The following ZNF571 variants were observed in gnomAD, a reference collection of about 807,000 sequenced individuals.
ZNF571 encodes zinc finger protein 571.
A neutral mutation model predicts 7.7 loss-of-function variants in ZNF571; 4 were observed. That is an observed-to-expected ratio of 0.52 (90% CI 0.25 to 1.18). The LOEUF is 1.18. Ranked by LOEUF, ZNF571 falls within the 50% of genes most tolerant of loss-of-function variation. ZNF571 has a pLI of 0.14. For missense variants in ZNF571, 704 were observed against 726.9 expected (o/e 0.97, Z 0.36); for synonymous variants, 251 against 232.4 (o/e 1.08, Z -0.73).
intron 1 of ZNF571, among the ~76,000 whole-genome samples, chr19:37,589,611 GT>G (rs1456488334): frequency 2.0e-5 from 3 of 152,070 alleles, no homozygotes; most frequent in African/African-American, 7.2e-5. Context: ...ACTGGACTAA[GT>G]TCCTTGAAGA....
In ZNF571 at chr19:37,568,409, G is replaced by A. The variant is rs565415417; in HGVS notation, c.137-2118C>T. ...CTAGAACAAGATAGACCCTGCTTTT[G>A]TTTCTTTCATAGAAGAACAATATGG... On this transcript the variant is annotated intron_variant, in intron 3 of 3. Coordinates refer to ENST00000451802, the MANE Select transcript of ZNF571 (RefSeq NM_016536.5). Among the ~76,000 whole-genome samples, 3 of 151,040 alleles carry A rather than the reference G, an allele frequency of 2.0e-5. No individual in the cohort carries two copies. The South Asian group carries it at 6.3e-4, about 32-fold the overall frequency.
Position 37,564,502 on chromosome 19 carries a change from A to G in ZNF571, c.*96T>C. The stretch of plus-strand genomic sequence containing the variant: ...CCATGTTAATGTAGGCCTTCTAAGA[A>G]TGAGCAGATTCTGAGCAGAAGCAAG... On this transcript the variant is annotated 3_prime_UTR_variant, in exon 4 of 4. Coordinates refer to ENST00000451802, the MANE Select transcript of ZNF571 (RefSeq NM_016536.5). The G allele has an allele frequency of 8.4e-7, 1 of 1,192,262 alleles. No homozygotes were observed. Among genetic ancestry groups the G allele is most frequent in the Non-Finnish European group, 1.1e-6 (1 of 894,950 alleles). The allele number at this position is 1,192,262 out of a possible 1,614,324, so 73.9% of individuals were successfully genotyped here. A position where few individuals can be genotyped will look rare whatever the true frequency, so the allele number is the denominator to read the frequency against.
chr19:37,587,513 C>T (rs1404651111), intron 1 of ZNF571, among the ~76,000 whole-genome samples: 1 of 152,234 alleles, frequency 6.6e-6, no homozygotes, highest in Non-Finnish European at 1.5e-5. Flanking sequence ...ACAGCACGCC[C>T]CCTCTTGCAA....
At chr19:37,589,242 A>C (rs191579035) in intron 1 of ZNF571, among the ~76,000 whole-genome samples, 17 of 152,054 alleles carry the variant, frequency 1.1e-4, no homozygotes, top group African/African-American at 4.1e-4. Flanking sequence ...GCTAGAAGGA[A>C]AAACAGACTG....
intron 1 of ZNF571, among the ~76,000 whole-genome samples, chr19:37,591,071 G>A (rs1251959479): frequency 6.6e-6 from 1 of 152,148 alleles, no homozygotes; most frequent in Non-Finnish European, 1.5e-5. Flanking sequence ...ATAAATTCAT[G>A]ATTCATGATT....
At chr19:37,584,533 A>G (rs2043592883) in intron 2 of ZNF571, among the ~76,000 whole-genome samples, 1 of 152,250 alleles carries the variant, frequency 6.6e-6, no homozygotes, top group Non-Finnish European at 1.5e-5. Flanking sequence ...TCTCTAGGTT[A>G]GAAAATAAAA....
At position 37,566,258 on chromosome 19, in the gene ZNF571, G is replaced by C. The variant is rs1378231846; in HGVS notation, c.170C>G (p.Ser57Cys). 4.3e-6 allele frequency: 7 copies of C among 1,612,732 alleles called. No individual in the cohort carries two copies. The African/African-American group carries it at 8.0e-5, about 18-fold the overall frequency. ...CATTTCATAAATTTCCTTTTCTGGA[G>C]ATAACTTTTTGGTCACACAACTGGA... is the stretch of plus-strand genomic sequence containing the variant. ...LESSCVTKKLSPEKEIYEMES... is the reference protein window; with the variant it reads ...LESSCVTKKLCPEKEIYEMES... Residue 57 changes from serine to cysteine, a missense_variant, in exon 4 of 4, where the codon TCT (serine) becomes TGT (cysteine). Physicochemically the swap from Ser to Cys is moderately radical, Grantham distance 112. Transcript: ENST00000451802.
At chr19:37,580,613 G>A (rs1448066222) in intron 3 of ZNF571, among the ~76,000 whole-genome samples, 2 of 152,194 alleles carry the variant, frequency 1.3e-5, no homozygotes, top group African/African-American at 4.8e-5. Flanking sequence ...CTTGGGTCAT[G>A]GGGGCTGGTC....
intron 2 of ZNF571, 131 bp from the exon 3 acceptor site, chr19:37,584,228 G>T: frequency 8.3e-7 from 1 of 1,197,672 alleles, no homozygotes; most frequent in Non-Finnish European, 1.2e-6. Context: ...CTAAACAGTA[G>T]TATTAACCTG....
In ZNF571 at chr19:37,586,722, G is replaced by A; in HGVS notation, c.-46C>T. On this transcript the variant is annotated 5_prime_UTR_variant, in exon 2 of 4. Coordinates refer to ENST00000451802, the MANE Select transcript of ZNF571 (RefSeq NM_016536.5). ...TTTTCTGGGTTCTTCTCCTGGAGGT[G>A]TGCAAAGTCCAGAGAAGCCAGTGCT... 1.9e-6 allele frequency: 3 copies of A among 1,612,724 alleles called. No individual in the cohort carries two copies. Among genetic ancestry groups the A allele is most frequent in the Non-Finnish European group, 2.5e-6 (3 of 1,179,080 alleles).
rs2042857566 is a variant in ZNF571, at chr19:37,566,303, AAAG to A, written c.137-15_137-13del. The A allele has an allele frequency of 6.4e-7, 1 of 1,571,042 alleles. No homozygotes were observed. Among genetic ancestry groups the A allele is most frequent in the Admixed American group, 2.0e-5 (1 of 49,748 alleles). Reference sequence around the variant, plus strand: ...ACTGGATTCCAAGTCTGTAGAATAAAAAGAAAGCAAATTCCTGCTTTTGTTTAC... The same window carrying A: ...ACTGGATTCCAAGTCTGTAGAATAAAAAAGCAAATTCCTGCTTTTGTTTAC... On this transcript the variant is annotated splice_polypyrimidine_tract_variant and intron_variant, in intron 3 of 3. Coordinates refer to ENST00000451802, the MANE Select transcript of ZNF571 (RefSeq NM_016536.5).
At chr19:37,567,241 T>G (rs2042893016) in intron 3 of ZNF571, among the ~76,000 whole-genome samples, 2 of 152,250 alleles carry the variant, frequency 1.3e-5, no homozygotes, top group Admixed American at 1.3e-4. Flanking sequence ...AGCAAGGGCT[T>G]TGTTTCATAT....
intron 2 of ZNF571, among the ~76,000 whole-genome samples, chr19:37,584,880 C>T (rs1171892447): frequency 2.0e-5 from 3 of 150,088 alleles, no homozygotes; most frequent in Admixed American, 6.7e-5. Flanking sequence ...AGGAGAATGG[C>T]GTGAACCCTG....
At position 37,564,683 on chromosome 19, in the gene ZNF571, C is replaced by A. The variant is rs778606390; in HGVS notation, c.1745G>T (p.Gly582Val). The A allele has an allele frequency of 1.2e-6, 2 of 1,613,268 alleles. No homozygotes were observed. Among genetic ancestry groups the A allele is most frequent in the Admixed American group, 1.7e-5 (1 of 59,948 alleles). ...ELTLHQRIHT[G>V]EKPYTCVQCG... is the part of the protein sequence containing the mutation. The stretch of plus-strand genomic sequence containing the variant: ...CTGGACACATGTATAGGGTTTCTCA[C>A]CAGTATGGATCCTTTGATGCAGAGT... Residue 582 changes from glycine to valine, a missense_variant, in exon 4 of 4, where the codon GGT becomes GTT. Transcript: ENST00000451802.
intron 3 of ZNF571, among the ~76,000 whole-genome samples, chr19:37,570,496 A>T (rs914500273): frequency 2.0e-5 from 3 of 152,200 alleles, no homozygotes; most frequent in African/African-American, 7.2e-5. Context: ...AAATATACTC[A>T]ATGTTAATTT....
rs34837052 is a variant in ZNF571 at position 37,576,042 on chromosome 19, T to TACACACACAC, written c.136+7919_136+7928dup. On this transcript the variant is annotated intron_variant, in intron 3 of 3. Transcript: ENST00000451802. ...TAACTACAGGTAAGGCATACATGCA[T>TACACACACAC]ACACACACACACACACACACACAAG... Among the ~76,000 whole-genome samples the TACACACACAC allele has an allele frequency of 2.3e-3, 341 of 148,930 alleles. 3 individuals carry two copies. Among genetic ancestry groups the TACACACACAC allele is most frequent in the African/African-American group, 7.8e-3 (317 of 40,828 alleles).
At chr19:37,578,574 C>T (rs1338943850) in intron 3 of ZNF571, among the ~76,000 whole-genome samples, 2 of 152,220 alleles carry the variant, frequency 1.3e-5, no homozygotes, top group East Asian at 1.9e-4. Context: ...CAGTGGAAGC[C>T]GCAGTCACAG....
Position 37,565,271 on chromosome 19 carries a change from G to A in ZNF571, c.1157C>T (p.Ser386Leu), listed in dbSNP as rs1377010425. ...TTTGCATTTATAAGGTCTCTCACCT[G>A]AATGAACTCTCAGGTGGTAAGTAAG... ...SQLTYHLRVH[S>L]GERPYKCKEC... The change falls in exon 4 of 4, where the codon TCA becomes TTA. Residue 386 changes from serine to leucine, a missense_variant. Ser to Leu is a moderately radical substitution (Grantham distance 145, BLOSUM62 -2). Coordinates refer to ENST00000451802, the MANE Select transcript of ZNF571 (RefSeq NM_016536.5). The A allele has an allele frequency of 2.6e-5, 42 of 1,611,042 alleles. No individual in the cohort carries two copies. Among genetic ancestry groups the A allele is most frequent in the Non-Finnish European group, 3.6e-5 (42 of 1,178,904 alleles).
At chr19:37,593,275 G>A (rs2043920920) in intron 1 of ZNF571, among the ~76,000 whole-genome samples, 1 of 152,144 alleles carries the variant, frequency 6.6e-6, no homozygotes, top group South Asian at 2.1e-4. Context: ...ATTTACAAAT[G>A]TTTTTAATTA....
Sources: gnomAD v4.1 joint callset for allele counts (sites outside exome capture counted in the v4.1 genomes callset) on GRCh38, gnomAD v4.1.1 for gene constraint, MANE v1.5 for transcripts, NCBI Gene and HGNC (gene_info 2026-07-23, HGNC 2026-07-21) for gene names.